Variants in SYNE2 observed in about 807,000 individuals in gnomAD.
SYNE2 encodes nesprin-2.
In SYNE2, 431 loss-of-function variants were observed where a neutral mutation model predicts 856.3. That is an observed-to-expected ratio of 0.50 (90% confidence interval 0.47 to 0.55). SYNE2 has a LOEUF of 0.55. Ranked by LOEUF, SYNE2 falls within the 20% of genes least tolerant of loss-of-function variation. The probability of loss-of-function intolerance (pLI) is 0.00; values close to 1 mark genes in which losing one functional copy is unlikely to be tolerated. For synonymous variants in SYNE2, 2,923 were observed against 2,872.3 expected (o/e 1.02, Z -0.56); for missense variants, 8,129 against 8,023.2 (o/e 1.01, Z -0.50).
chr14:64,185,719 T>A (rs1483170932), intron 96 of SYNE2, among the ~76,000 whole-genome samples: 6 of 151,900 alleles, frequency 3.9e-5, no homozygotes, highest in African/African-American at 1.5e-4. Flanking sequence ...TGGGGTTTCA[T>A]CATGTTGGCC....
rs2097211840 is a variant in SYNE2, at chr14:64,049,842, A to G, written c.7609A>G (p.Lys2537Glu). The G allele has an allele frequency of 6.2e-7, 1 of 1,614,150 alleles. No homozygotes were observed. Among genetic ancestry groups the G allele is most frequent in the East Asian group, 2.2e-5 (1 of 44,868 alleles). Residue 2537 changes from lysine (K) to glutamate (E), a missense_variant, in exon 47 of 116, where the codon AAA (lysine) becomes GAA (glutamate). Lys to Glu is a moderately conservative substitution (Grantham distance 56, BLOSUM62 1). This residue lies in a region of SYNE2 where 5,410 missense variants were observed against 5,284.8 expected (regional missense o/e 1.02). Transcript: ENST00000555002. ...EYLAAVESSMKALLTDKESLK... is the reference protein window; with the variant it reads ...EYLAAVESSMEALLTDKESLK... ...CCTTGCTGCAGTTGAATCTTCAATG[A>G]AAGCCTTGTTGACAGACAAGGAAAG... is the stretch of plus-strand genomic sequence containing the variant.
chr14:63,818,780 G>A (rs1889105402), intron 1 of SYNE2, among the ~76,000 whole-genome samples: 1 of 146,812 alleles, frequency 6.8e-6, no homozygotes, highest in Non-Finnish European at 1.5e-5. Context: ...CTCACTGCAA[G>A]CTCTGCCTCC....
chr14:64,162,455 A>G (rs1329494158), intron 88 of SYNE2, 179 bp downstream of exon 88: 1 of 689,210 alleles, frequency 1.5e-6, no homozygotes, highest in African/African-American at 1.8e-5. Flanking sequence ...CTCAGAGGTG[A>G]CGTCTAGGCA....
Position 63,999,025 on chromosome 14 carries a change from A to C in SYNE2, c.3465A>C (p.Lys1155Asn), listed in dbSNP as rs575850688. ...GGAGTAGTTCTTGTCTGCAGGCTAA[A>C]CTGACAGATCTACAGGTAATTACCA... is the stretch of plus-strand genomic sequence containing the variant. The part of the protein sequence containing the change: ...EDRSSSCLQA[K>N]LTDLQVIKNE... The change falls in exon 27 of 116, where the codon AAA becomes AAC. Residue 1155 changes from lysine to asparagine, a missense_variant. Lys to Asn is a moderately conservative substitution (Grantham distance 94). This residue lies in a region of SYNE2 where 2,422 missense variants were observed against 2,357.4 expected (regional missense o/e 1.03). Transcript: ENST00000555002. 1.2e-6 allele frequency: 2 copies of C among 1,613,790 alleles called. No individual in the cohort carries two copies. The highest frequency in any genetic ancestry group is 3.3e-5 in the Admixed American group (2 of 60,012).
In SYNE2 at chr14:64,113,418, A is replaced by G. The variant is rs746847968; in HGVS notation, c.12687A>G (p.Lys4229=). 6.8e-6 allele frequency: 11 copies of G among 1,614,158 alleles called. No individual in the cohort carries two copies. In the South Asian group the frequency reaches 1.1e-4, roughly 16 times the overall value. ...AQGGLEPRVE[K]TRPEPTEVLH... Reference sequence around the variant, plus strand: ...GAGGTTTGGAGCCCAGGGTGGAGAAAACTAGGCCGGAGCCCACAGAAGTCC... The same window carrying G: ...GAGGTTTGGAGCCCAGGGTGGAGAAGACTAGGCCGGAGCCCACAGAAGTCC... Residue 4229 remains lysine (K), a synonymous_variant, in exon 66 of 116, where the codon AAA becomes AAG. Transcript: ENST00000555002.
chr14:63,775,010 C>T (rs1030111370), intron 1 of SYNE2, among the ~76,000 whole-genome samples: 1 of 152,092 alleles, frequency 6.6e-6, no homozygotes, highest in Non-Finnish European at 1.5e-5. Flanking sequence ...GAGTTTCACT[C>T]TTGCCGCCCA....
intron 45 of SYNE2, among the ~76,000 whole-genome samples, chr14:64,047,286 G>C (rs1297988816): frequency 6.6e-6 from 1 of 152,208 alleles, no homozygotes; most frequent in East Asian, 1.9e-4. Flanking sequence ...AGGATAGGGA[G>C]TGTGTGCTGA....
intron 87 of SYNE2, among the ~76,000 whole-genome samples, chr14:64,159,730 G>A (rs943404766): frequency 2.6e-5 from 4 of 152,154 alleles, no homozygotes; most frequent in African/African-American, 7.2e-5. Flanking sequence ...GTTCGATCTC[G>A]GAAACACCAA....
At chr14:63,887,447 C>A (rs1177882412) in intron 1 of SYNE2, among the ~76,000 whole-genome samples, 1 of 152,136 alleles carries the variant, frequency 6.6e-6, no homozygotes, top group East Asian at 1.9e-4. Context: ...TGAACTGATC[C>A]TACACCCTCT....
At chr14:63,892,375 T>G (rs914994454) in intron 1 of SYNE2, among the ~76,000 whole-genome samples, 1 of 150,648 alleles carries the variant, frequency 6.6e-6, no homozygotes, top group Non-Finnish European at 1.5e-5. Flanking sequence ...CCCCCCAACC[T>G]TTTTTTTTCC....
chr14:63,762,306 A>G (rs578045652), intron 1 of SYNE2, among the ~76,000 whole-genome samples: 1 of 152,138 alleles, frequency 6.6e-6, no homozygotes, highest in South Asian at 2.1e-4. Context: ...GTGGTGGTAC[A>G]TGCCTGTAAT....
In SYNE2 at chr14:64,016,376, T is replaced by TA. The variant is rs950494165; in HGVS notation, c.4729-96dup. 3 of 765,496 alleles carry TA rather than the reference T, an allele frequency of 3.9e-6. No homozygotes were observed. The African/African-American group carries it at 5.3e-5, about 14-fold the overall frequency. 47.4% of individuals were successfully genotyped at this position (765,496 alleles called of 1,614,324 possible). On this transcript the variant is annotated intron_variant, in intron 32 of 115. Coordinates refer to ENST00000555002, the MANE Select transcript of SYNE2 (RefSeq NM_182914.3). ...TAAGAAGGTATTATGCTTTGTTGGG[T>TA]ATTGTTTTTAAGCTCAATATCCAAC... is the stretch of plus-strand genomic sequence containing the variant.
intron 35 of SYNE2, among the ~76,000 whole-genome samples, chr14:64,020,863 C>T (rs992050674): frequency 1.6e-4 from 24 of 152,088 alleles, no homozygotes; most frequent in Non-Finnish European, 2.8e-4. Context: ...GTACTACCTA[C>T]TAGCTTTATA....
chr14:63,807,864 T>A (rs559530591), intron 1 of SYNE2, among the ~76,000 whole-genome samples: 5 of 108,070 alleles, frequency 4.6e-5, no homozygotes, highest in South Asian at 6.5e-4. Context: ...TATATATATA[T>A]AATTTCAATA....
intron 43 of SYNE2, 51 bp downstream of exon 43, chr14:64,027,844 T>A: frequency 7.3e-7 from 1 of 1,367,476 alleles, no homozygotes; most frequent in East Asian, 2.3e-5. Flanking sequence ...TATACATAAG[T>A]ATGCAAGACA....
intron 11 of SYNE2, among the ~76,000 whole-genome samples, chr14:63,975,639 ATGTATTTTTAAGTTG>A (rs2096536450): frequency 6.6e-6 from 1 of 152,114 alleles, no homozygotes; most frequent in Non-Finnish European, 1.5e-5. Flanking sequence ...CAACCTGTAC[ATGTATTTTTAAGTTG>A]TGTACCCTTC....
At chr14:63,934,790 G>A (rs988889952) in intron 2 of SYNE2, among the ~76,000 whole-genome samples, 7 of 152,064 alleles carry the variant, frequency 4.6e-5, no homozygotes, top group Non-Finnish European at 7.4e-5. Flanking sequence ...CATCTAGATG[G>A]AAAAATCTCT....
At chr14:63,970,041 T>C (rs1298229074) in intron 11 of SYNE2, among the ~76,000 whole-genome samples, 1 of 152,224 alleles carries the variant, frequency 6.6e-6, no homozygotes, top group African/African-American at 2.4e-5. Context: ...CTTAATCTTA[T>C]ACCAGTATAG....
intron 1 of SYNE2, among the ~76,000 whole-genome samples, chr14:63,800,604 G>T (rs751585885): frequency 6.6e-6 from 1 of 152,106 alleles, no homozygotes; most frequent in African/African-American, 2.4e-5. Flanking sequence ...TAATACTTCA[G>T]TTCAAAAACT....
Sources: allele counts gnomAD v4.1 joint callset (sites outside exome capture counted in the v4.1 genomes callset), GRCh38; gene constraint gnomAD v4.1.1; regional missense constraint gnomAD v4.1.1; transcripts MANE v1.5; gene names NCBI Gene and HGNC (gene_info 2026-07-23, HGNC 2026-07-21).